Variants in GRID2 observed in about 807,000 individuals in gnomAD.
GRID2 encodes the protein glutamate ionotropic receptor delta type subunit 2.
In GRID2, 33 loss-of-function variants were observed where a neutral mutation model predicts 114.8. The observed-to-expected ratio is 0.29, with a 90% CI of 0.22 to 0.38. The LOEUF is 0.38. Ranked by LOEUF, GRID2 falls within the 10% of genes least tolerant of loss-of-function variation. The pLI is 1.00. For synonymous variants in GRID2, 505 were observed against 449.9 expected (o/e 1.12, Z -1.55); for missense variants, 1,184 against 1,257.7 (o/e 0.94, Z 0.89).
intron 8 of GRID2, among the ~76,000 whole-genome samples, chr4:93,343,593 G>T (rs1173583362): frequency 6.6e-6 from 1 of 152,020 alleles, no homozygotes; most frequent in Non-Finnish European, 1.5e-5. Flanking sequence ...AACATAAAAA[G>T]AAATCTTTCC....
At chr4:92,457,515 C>T (rs553199865) in intron 1 of GRID2, among the ~76,000 whole-genome samples, 3 of 152,072 alleles carry the variant, frequency 2.0e-5, no homozygotes, top group Non-Finnish European at 1.5e-5. Flanking sequence ...CATCTACATA[C>T]ACAAGTCGGA....
At chr4:93,515,087 A>G in intron 12 of GRID2, 129 bp from the exon 13 acceptor site, 1 of 443,140 alleles carries the variant, frequency 2.3e-6, no homozygotes, top group Non-Finnish European at 4.0e-6. Flanking sequence ...TCAGAAAACA[A>G]TAAAATAAGA....
intron 2 of GRID2, among the ~76,000 whole-genome samples, chr4:92,654,021 T>A (rs1413018814): frequency 6.6e-6 from 1 of 152,114 alleles, no homozygotes; most frequent in Non-Finnish European, 1.5e-5. Context: ...GGCAGAATTA[T>A]CCAGAAAGTT....
chr4:93,260,137 A>G (rs1750093775), intron 8 of GRID2, among the ~76,000 whole-genome samples: 1 of 151,732 alleles, frequency 6.6e-6, no homozygotes, highest in Non-Finnish European at 1.5e-5. Flanking sequence ...TATAAAAACC[A>G]TTGATACTTT....
intron 2 of GRID2, among the ~76,000 whole-genome samples, chr4:92,713,155 C>T (rs182198400): frequency 7.5e-6 from 1 of 133,390 alleles, no homozygotes; most frequent in Admixed American, 7.4e-5. Flanking sequence ...GCTCCCCCCA[C>T]CCCACAACAG....
intron 2 of GRID2, among the ~76,000 whole-genome samples, chr4:92,949,008 G>A (rs887624118): frequency 6.6e-6 from 1 of 151,454 alleles, no homozygotes; most frequent in Non-Finnish European, 1.5e-5. Flanking sequence ...GTGTGGGTTT[G>A]TGTGGGCTTG....
rs377126720 is a variant in GRID2 at position 92,335,699 on chromosome 4, A to G, written c.88+30955A>G. Among the ~76,000 whole-genome samples, 12 of 152,300 alleles carry G rather than the reference A, an allele frequency of 7.9e-5. No individual in the cohort carries two copies. In the East Asian group the frequency reaches 2.1e-3, roughly 27 times the overall value. ...AAAGGGTATACCATTACTGGGGAAT[A>G]TTTTCTGCCAAATAAAAAATAATGA... On this transcript the variant is annotated intron_variant, in intron 1 of 15. Transcript: ENST00000282020.
chr4:92,827,137 G>A (rs1274603986), intron 2 of GRID2, among the ~76,000 whole-genome samples: 1 of 151,880 alleles, frequency 6.6e-6, no homozygotes, highest in East Asian at 1.9e-4. Context: ...TCAGATAAAA[G>A]AATCCACTTA....
intron 2 of GRID2, among the ~76,000 whole-genome samples, chr4:92,830,085 C>A (rs1741996132): frequency 6.7e-6 from 1 of 149,452 alleles, no homozygotes; most frequent in African/African-American, 2.5e-5. Flanking sequence ...TATTCCAGCG[C>A]TTAAAATAAA....
At chr4:93,165,374 G>A (rs912012874) in intron 4 of GRID2, among the ~76,000 whole-genome samples, 2 of 151,614 alleles carry the variant, frequency 1.3e-5, no homozygotes, top group South Asian at 2.1e-4. Flanking sequence ...TATTAATAGA[G>A]TGTGGGATTG....
At chr4:93,083,606 G>C (rs1247698649) in intron 2 of GRID2, among the ~76,000 whole-genome samples, 1 of 145,002 alleles carries the variant, frequency 6.9e-6, no homozygotes, top group Non-Finnish European at 1.5e-5. Flanking sequence ...TGAGGCAGGA[G>C]AATCACTTGA....
intron 9 of GRID2, among the ~76,000 whole-genome samples, chr4:93,396,117 C>A (rs1279534813): frequency 6.6e-6 from 1 of 151,978 alleles, no homozygotes; most frequent in African/African-American, 2.4e-5. Flanking sequence ...AATGTACATT[C>A]TCTAATAGTG....
intron 1 of GRID2, among the ~76,000 whole-genome samples, chr4:92,330,022 A>AGAGAGAGAGAGAGAGG (rs1726800119): frequency 6.6e-6 from 1 of 151,176 alleles, no homozygotes; most frequent in South Asian, 2.1e-4. Flanking sequence ...AGAGAGAGAG[A>AGAGAGAGAGAGAGAGG]GAGAAACATG....
At chr4:92,969,867 A>G (rs1753386185) in intron 2 of GRID2, among the ~76,000 whole-genome samples, 1 of 151,916 alleles carries the variant, frequency 6.6e-6, no homozygotes, top group Admixed American at 6.6e-5. Context: ...TGAGGAAAGG[A>G]TCACAATAAC....
At chr4:92,745,101 T>C (rs1737082664) in intron 2 of GRID2, among the ~76,000 whole-genome samples, 1 of 152,160 alleles carries the variant, frequency 6.6e-6, no homozygotes, top group Non-Finnish European at 1.5e-5. Flanking sequence ...CAGAGGAGAA[T>C]AAAACAGAAA....
At chr4:93,347,330 C>A (rs573586196) in intron 8 of GRID2, among the ~76,000 whole-genome samples, 1 of 152,050 alleles carries the variant, frequency 6.6e-6, no homozygotes, top group South Asian at 2.1e-4. Flanking sequence ...TAATCTGATA[C>A]ACTTTTTTCC....
At chr4:92,928,999 G>A (rs983017043) in intron 2 of GRID2, among the ~76,000 whole-genome samples, 1 of 151,266 alleles carries the variant, frequency 6.6e-6, no homozygotes, top group Non-Finnish European at 1.5e-5. Flanking sequence ...TTCTAAGTAG[G>A]CATTGAATTC....
chr4:92,670,518 A>G (rs1733007042), intron 2 of GRID2, among the ~76,000 whole-genome samples: 1 of 152,044 alleles, frequency 6.6e-6, no homozygotes, highest in South Asian at 2.1e-4. Context: ...CATTAGGTAA[A>G]CATTGGCTTC....
rs539558868 is a variant in GRID2 at position 92,891,394 on chromosome 4, T to G, written c.245-193601T>G. Among the ~76,000 whole-genome samples the G allele has an allele frequency of 8.5e-5, 13 of 152,198 alleles. No individual in the cohort carries two copies. In the South Asian group the frequency reaches 2.7e-3, roughly 32 times the overall value. On this transcript the variant is annotated intron_variant, in intron 2 of 15. Coordinates refer to ENST00000282020, the MANE Select transcript of GRID2 (RefSeq NM_001510.4). ...AAAAGAAATAAGAATTTAGACATGA[T>G]CTCCAGATACAAATAGCAGACTAAG...
Sources: allele counts gnomAD v4.1 joint callset (sites outside exome capture counted in the v4.1 genomes callset), GRCh38; gene constraint gnomAD v4.1.1; transcripts MANE v1.5; gene names NCBI Gene and HGNC (gene_info 2026-07-23, HGNC 2026-07-21).